SCYL3: variants seen among roughly 807,000 people sequenced by gnomAD.
SCYL3 encodes protein-associating with the carboxyl-terminal domain of ezrin.
A neutral mutation model predicts 73.8 loss-of-function variants in SCYL3; 35 were observed. The ratio of observed to expected loss-of-function variants is 0.47; its 90% CI spans 0.36 to 0.63. SCYL3 has a LOEUF of 0.63. SCYL3 is among the 20% of genes least tolerant of loss of function. The pLI is 0.00. For synonymous variants in SCYL3, 277 were observed against 295.2 expected, an observed-to-expected ratio of 0.94 and a Z score of 0.63; for missense variants, 712 against 798.9, an observed-to-expected ratio of 0.89 and a Z score of 1.31.
rs947037085 is a variant in SCYL3 at position 169,853,142 on chromosome 1, T to G, written c.*571A>C. On this transcript the variant is annotated 3_prime_UTR_variant, in exon 13 of 13. Transcript: ENST00000367771. ...TTAGAGAACAGGATTGTGGGGAATA[T>G]TCTTATTAAGAACTTTGGTACAATG... The G allele has an allele frequency of 2.3e-5, 17 of 751,460 alleles. No homozygotes were observed. Among genetic ancestry groups the G allele is most frequent in the Non-Finnish European group, 3.2e-5 (15 of 464,232 alleles). The allele number at this position is 751,460 out of a possible 1,614,324, so 46.5% of individuals were successfully genotyped here. A position where few individuals can be genotyped will look rare whatever the true frequency, so the allele number is the denominator to read the frequency against.
rs564751926 is a variant in SCYL3, at chr1:169,851,454, C to G, written c.*2259G>C. The G allele has an allele frequency of 6.6e-4, 113 of 172,000 alleles. No homozygotes were observed. Among genetic ancestry groups the G allele is most frequent in the Non-Finnish European group, 3.0e-4 (24 of 81,324 alleles). 10.7% of individuals were successfully genotyped at this position (172,000 alleles called of 1,614,324 possible). On this transcript the variant is annotated 3_prime_UTR_variant, in exon 13 of 13. Transcript: ENST00000367771. ...AACTCCTGGGCTCAAGCATTCCTCCCACCAAAGTCCTGGGATTAGAGGCAT... is the reference window on the plus strand; with the variant it reads ...AACTCCTGGGCTCAAGCATTCCTCCGACCAAAGTCCTGGGATTAGAGGCAT...
intron 2 of SCYL3, among the ~76,000 whole-genome samples, chr1:169,882,542 C>T (rs564178980): frequency 7.5e-4 from 114 of 152,342 alleles, no homozygotes; most frequent in African/African-American, 2.5e-3. Flanking sequence ...AGCCCCAGTG[C>T]GGGATCCACT....
intron 2 of SCYL3, among the ~76,000 whole-genome samples, chr1:169,881,861 G>A (rs1558141523): frequency 6.6e-6 from 1 of 152,224 alleles, no homozygotes; most frequent in Non-Finnish European, 1.5e-5. Context: ...ATTGCCATAA[G>A]TGCACAACCT....
intron 8 of SCYL3, 97 bp from the exon 9 acceptor site, chr1:169,864,605 T>A: frequency 8.2e-7 from 1 of 1,218,628 alleles, no homozygotes; most frequent in Non-Finnish European, 1.1e-6. Context: ...CTCACTTCTA[T>A]CAAAGTGATG....
chr1:169,883,938 T>C (rs1442360801), intron 2 of SCYL3, among the ~76,000 whole-genome samples: 1 of 152,040 alleles, frequency 6.6e-6, no homozygotes. Flanking sequence ...GCCAGGCTGG[T>C]CTTGAACTCC....
chr1:169,876,958 TAAAA>T (rs61051062), intron 3 of SCYL3, among the ~76,000 whole-genome samples: 2 of 76,394 alleles, frequency 2.6e-5, no homozygotes, highest in African/African-American at 5.3e-5. Context: ...TTGTCTCAAA[TAAAA>T]AAAAAAAAAA....
chr1:169,863,874 A>G (rs1383902534), intron 9 of SCYL3, among the ~76,000 whole-genome samples: 1 of 152,188 alleles, frequency 6.6e-6, no homozygotes, highest in Non-Finnish European at 1.5e-5. Flanking sequence ...TATTAATACT[A>G]TATTCTCTCA....
At chr1:169,889,935 T>C (rs934190985) in intron 1 of SCYL3, among the ~76,000 whole-genome samples, 11 of 152,354 alleles carry the variant, frequency 7.2e-5, no homozygotes, top group Middle Eastern at 6.8e-3. Context: ...GGTCAGATTA[T>C]AGGTAATTTT....
In SCYL3 at chr1:169,858,978, TATATA is replaced by T. The variant is rs1571388881; in HGVS notation, c.1312+58_1312+62del. 7 of 1,426,420 alleles carry T rather than the reference TATATA, an allele frequency of 4.9e-6. No individual in the cohort carries two copies. In the East Asian group the frequency reaches 1.6e-4, roughly 33 times the overall value. 88.4% of individuals were successfully genotyped at this position (1,426,420 alleles called of 1,614,324 possible). A position where few individuals can be genotyped will look rare whatever the true frequency, so the allele number is the denominator to read the frequency against. ...CTGAATATGACCCTCCTACATTACT[TATATA>T]ATACTAAAAATCTAAAAAAATGACA... On this transcript the variant is annotated intron_variant, in intron 11 of 12. Coordinates refer to ENST00000367771, the MANE Select transcript of SCYL3 (RefSeq NM_020423.7).
intron 1 of SCYL3, among the ~76,000 whole-genome samples, chr1:169,893,359 G>A (rs1238474882): frequency 6.6e-6 from 1 of 152,152 alleles, no homozygotes; most frequent in Admixed American, 6.5e-5. Context: ...CCCCGGGCTC[G>A]GGCACTGCCG....
Position 169,854,501 on chromosome 1 carries a change from G to C in SCYL3, c.1776C>G (p.Pro592=). Reference sequence around the variant, plus strand: ...AACCAAGTTCTGATGGAACCTTAAGGGGCCTTTCTTGTGATGACACTTTTG... The same window carrying C: ...AACCAAGTTCTGATGGAACCTTAAGCGGCCTTTCTTGTGATGACACTTTTG... ...EPPKVSSQER[P]LKVPSELGLG... is the part of the protein sequence containing the mutation. The change falls in exon 12 of 13, where the codon CCC becomes CCG. Residue 592 remains proline, a synonymous_variant. Transcript: ENST00000367771. The C allele has an allele frequency of 2.5e-6, 4 of 1,613,932 alleles. No homozygotes were observed. Among genetic ancestry groups the C allele is most frequent in the Non-Finnish European group, 3.4e-6 (4 of 1,179,978 alleles).
At chr1:169,876,496 A>G (rs1172506942) in intron 3 of SCYL3, among the ~76,000 whole-genome samples, 1 of 152,210 alleles carries the variant, frequency 6.6e-6, no homozygotes, top group Non-Finnish European at 1.5e-5. Context: ...AAGATAAAAT[A>G]TATCTTTGCT....
chr1:169,882,380 C>A (rs1433391195), intron 2 of SCYL3, among the ~76,000 whole-genome samples: 1 of 152,206 alleles, frequency 6.6e-6, no homozygotes, highest in Non-Finnish European at 1.5e-5. Flanking sequence ...GCATGCCATG[C>A]CTGAGCCTCC....
intron 12 of SCYL3, 66 bp downstream of exon 12, chr1:169,854,204 T>C: frequency 3.2e-6 from 4 of 1,253,236 alleles, no homozygotes; most frequent in South Asian, 1.5e-5. Context: ...AATGGGATAC[T>C]GCAACTAGGA....
At chr1:169,859,833 T>C (rs1659486134) in intron 10 of SCYL3, 2 of 152,370 alleles carry the variant, frequency 1.3e-5, no homozygotes, top group African/African-American at 2.4e-5. Flanking sequence ...CCAGGAGTTC[T>C]GGGCTGTAGT....
Position 169,873,738 on chromosome 1 carries a change from A to C in SCYL3, c.480T>G (p.Ile160Met). 6.2e-7 allele frequency: 1 copy of C among 1,603,526 alleles called. No individual in the cohort carries two copies. Among genetic ancestry groups the C allele is most frequent in the Non-Finnish European group, 8.5e-7 (1 of 1,170,942 alleles). ...TAGATGCTGGGTCTCTTATTGACTG[A>C]ATACTCCTCAGAAACTAGACAGAGA... The part of the protein sequence containing the change: ...SQATPEFLRS[I>M]QSIRDPASIP... Residue 160 changes from isoleucine to methionine, a missense_variant, in exon 5 of 13, where the codon ATT becomes ATG. Physicochemically the swap from Ile to Met is conservative, Grantham distance 10. Around this residue, in one of 2 missense-constraint regions of SCYL3, gnomAD observed 342 missense variants for 448.1 expected, o/e 0.76. Coordinates refer to ENST00000367771, the MANE Select transcript of SCYL3 (RefSeq NM_020423.7).
At chr1:169,871,224 T>C (rs549915008) in intron 5 of SCYL3, among the ~76,000 whole-genome samples, 1 of 152,312 alleles carries the variant, frequency 6.6e-6, no homozygotes, top group Admixed American at 6.5e-5. Flanking sequence ...CATCTTGAAT[T>C]ATAACTCCCA....
At chr1:169,854,155 GCTTGA>G (rs71125207) in intron 12 of SCYL3, 110 bp downstream of exon 12, 27 of 753,030 alleles carry the variant, frequency 3.6e-5, no homozygotes, top group Non-Finnish European at 5.1e-5. Flanking sequence ...TTAATTTTGT[GCTTGA>G]CTTGACTAGG....
upstream of SCYL3, chr1:169,894,094 C>T (rs993360314): frequency 2.6e-5 from 4 of 152,454 alleles, no homozygotes; most frequent in South Asian, 2.1e-4. Flanking sequence ...GAGTTTCACT[C>T]ACTGCCCCAG....
Sources: allele counts gnomAD v4.1 joint callset (sites outside exome capture counted in the v4.1 genomes callset), GRCh38; gene constraint gnomAD v4.1.1; regional missense constraint gnomAD v4.1.1; transcripts MANE v1.5; gene names NCBI Gene and HGNC (gene_info 2026-07-23, HGNC 2026-07-21).